Variants in SLIT3 observed in about 807,000 individuals in gnomAD.
SLIT3 encodes the protein slit homolog 3 protein.
SLIT3 carries 68 observed loss-of-function variants against 184.0 expected under a neutral mutation model. The observed-to-expected ratio is 0.37, with a 90% CI of 0.30 to 0.45. SLIT3 has a LOEUF of 0.45. Among genes scored for constraint, SLIT3 ranks in the 20% least tolerant of loss-of-function variants. The pLI is 1.00. For synonymous variants in SLIT3, 831 were observed against 828.6 expected, an observed-to-expected ratio of 1.00 and a Z score of -0.05; for missense variants, 1,707 against 2,026.0, an observed-to-expected ratio of 0.84 and a Z score of 3.02.
At chr5:168,873,066 C>T (rs1324361981) in intron 5 of SLIT3, among the ~76,000 whole-genome samples, 1 of 152,144 alleles carries the variant, frequency 6.6e-6, no homozygotes, top group Non-Finnish European at 1.5e-5. Context: ...TCCAACACTC[C>T]CCATGAATCT....
chr5:168,818,447 G>C (rs200974452), intron 7 of SLIT3, among the ~76,000 whole-genome samples: 1 of 152,174 alleles, frequency 6.6e-6, no homozygotes, highest in Non-Finnish European at 1.5e-5. Flanking sequence ...GGATATTCCA[G>C]GTTCTTCCCC....
At chr5:169,129,476 CG>C (rs900345724) in intron 4 of SLIT3, among the ~76,000 whole-genome samples, 1 of 152,042 alleles carries the variant, frequency 6.6e-6, no homozygotes, top group African/African-American at 2.4e-5. Flanking sequence ...CTCTTGAACC[CG>C]GGAGGCAGAG....
chr5:168,897,048 C>G (rs576600634), intron 4 of SLIT3, among the ~76,000 whole-genome samples: 1 of 152,316 alleles, frequency 6.6e-6, no homozygotes, highest in South Asian at 2.1e-4. Flanking sequence ...TGTGGCTACT[C>G]TCTTTGGAGA....
chr5:168,763,309 G>T (rs774848056), intron 14 of SLIT3, among the ~76,000 whole-genome samples: 1 of 152,118 alleles, frequency 6.6e-6, no homozygotes, highest in Non-Finnish European at 1.5e-5. Flanking sequence ...TGGGAACCTG[G>T]GGAATTGGAG....
At chr5:168,970,732 A>G (rs1754549644) in intron 4 of SLIT3, among the ~76,000 whole-genome samples, 1 of 152,042 alleles carries the variant, frequency 6.6e-6, no homozygotes, top group Non-Finnish European at 1.5e-5. Flanking sequence ...CCACCCTGAA[A>G]CCAGAAAGAT....
intron 4 of SLIT3, among the ~76,000 whole-genome samples, chr5:168,992,367 G>A (rs533781760): frequency 1.3e-5 from 2 of 152,366 alleles, no homozygotes; most frequent in African/African-American, 4.8e-5. Flanking sequence ...TCTGAAGGAG[G>A]AGAAAGAATT....
chr5:169,276,282 C>G (rs961853456), intron 1 of SLIT3, among the ~76,000 whole-genome samples: 2 of 152,160 alleles, frequency 1.3e-5, no homozygotes, highest in African/African-American at 4.8e-5. Flanking sequence ...AGCTGCGACT[C>G]TGCTCACAGC....
Position 168,927,802 on chromosome 5 carries a change from G to A in SLIT3, c.414-44466C>T, listed in dbSNP as rs79867243. Among the ~76,000 whole-genome samples the A allele has an allele frequency of 2.8e-3, 429 of 152,324 alleles. 2 individuals are homozygous for A. Among genetic ancestry groups the A allele is most frequent in the African/African-American group, 9.8e-3 (407 of 41,546 alleles). On this transcript the variant is annotated intron_variant, in intron 4 of 35. Transcript: ENST00000519560. ...GAGATTTTGCCTGCAAGAATGTCAGGGCCATGACATAGGGACATTAAATAT... is the reference window on the plus strand; with the variant it reads ...GAGATTTTGCCTGCAAGAATGTCAGAGCCATGACATAGGGACATTAAATAT...
At chr5:168,751,739 T>G (rs1418859722) in intron 18 of SLIT3, among the ~76,000 whole-genome samples, 3 of 151,892 alleles carry the variant, frequency 2.0e-5, no homozygotes, top group Non-Finnish European at 4.4e-5. Context: ...TTTTTTTTTT[T>G]TTTTTTGAGA....
intron 4 of SLIT3, among the ~76,000 whole-genome samples, chr5:169,032,736 C>T (rs1757078001): frequency 6.6e-6 from 1 of 151,050 alleles, no homozygotes; most frequent in Non-Finnish European, 1.5e-5. Flanking sequence ...TCTAACAGGA[C>T]CTCATATAAC....
intron 4 of SLIT3, among the ~76,000 whole-genome samples, chr5:169,044,093 C>G (rs1757539644): frequency 6.6e-6 from 1 of 152,168 alleles, no homozygotes; most frequent in South Asian, 2.1e-4. Flanking sequence ...AGGGCACCAC[C>G]TCACACCCAC....
chr5:169,201,198 T>C (rs533072646), intron 3 of SLIT3, among the ~76,000 whole-genome samples: 5 of 152,212 alleles, frequency 3.3e-5, no homozygotes, highest in African/African-American at 9.7e-5. Flanking sequence ...AGTTATTTTT[T>C]AGTTTGTAAG....
intron 4 of SLIT3, among the ~76,000 whole-genome samples, chr5:169,181,908 C>A (rs943685152): frequency 6.6e-6 from 1 of 152,030 alleles, no homozygotes; most frequent in Non-Finnish European, 1.5e-5. Flanking sequence ...GCATTTTGAC[C>A]TCCAAAAGTC....
chr5:169,198,732 G>A (rs1364221126), intron 3 of SLIT3, among the ~76,000 whole-genome samples: 1 of 152,034 alleles, frequency 6.6e-6, no homozygotes, highest in African/African-American at 2.4e-5. Context: ...AGGAGCTCGA[G>A]ACCAGCCTGG....
chr5:169,226,898 C>T (rs948299281), intron 3 of SLIT3, among the ~76,000 whole-genome samples: 4 of 151,784 alleles, frequency 2.6e-5, no homozygotes, highest in Non-Finnish European at 5.9e-5. Flanking sequence ...AACATCTGCA[C>T]CAAAGGGGAT....
At chr5:168,955,625 G>T (rs1375365248) in intron 4 of SLIT3, among the ~76,000 whole-genome samples, 1 of 152,212 alleles carries the variant, frequency 6.6e-6, no homozygotes, top group African/African-American at 2.4e-5. Flanking sequence ...GCCTGCAAGG[G>T]GGCAGGCTTG....
At chr5:168,899,638 G>A (rs1185508503) in intron 4 of SLIT3, among the ~76,000 whole-genome samples, 1 of 152,164 alleles carries the variant, frequency 6.6e-6, no homozygotes, top group African/African-American at 2.4e-5. Flanking sequence ...TTGCCATGTA[G>A]GTTCAGAGTT....
intron 4 of SLIT3, among the ~76,000 whole-genome samples, chr5:169,148,103 A>G (rs1761990234): frequency 6.6e-6 from 1 of 152,116 alleles, no homozygotes; most frequent in South Asian, 2.1e-4. Flanking sequence ...TTCCAATCTC[A>G]GGTCCTCCTT....
At chr5:168,741,276 C>T (rs1228218225) in intron 20 of SLIT3, among the ~76,000 whole-genome samples, 3 of 151,970 alleles carry the variant, frequency 2.0e-5, no homozygotes, top group East Asian at 3.9e-4. Context: ...TGAGACCATC[C>T]TGGCTAACAT....
Sources: allele counts gnomAD v4.1 joint callset (sites outside exome capture counted in the v4.1 genomes callset), GRCh38; gene constraint gnomAD v4.1.1; transcripts MANE v1.5; gene names NCBI Gene and HGNC (gene_info 2026-07-23, HGNC 2026-07-21).